Variants in NELL1 observed in about 807,000 individuals in gnomAD.
The protein encoded by NELL1 is protein kinase C-binding protein NELL1.
In NELL1, 76 loss-of-function variants were observed where a neutral mutation model predicts 107.4. That is an observed-to-expected ratio of 0.71 (90% confidence interval 0.59 to 0.86). The LOEUF (loss-of-function observed/expected upper bound fraction) is 0.86, where lower values mean the gene tolerates loss of function less well. NELL1 is among the 40% of genes least tolerant of loss of function. NELL1 has a pLI of 0.00. For synonymous variants in NELL1, 353 were observed against 341.2 expected (o/e 1.03, Z -0.38); for missense variants, 1,024 against 1,005.5 (o/e 1.02, Z -0.25).
chr11:21,283,339 A>G (rs1472941020), intron 14 of NELL1, among the ~76,000 whole-genome samples: 1 of 152,176 alleles, frequency 6.6e-6, no homozygotes, highest in Non-Finnish European at 1.5e-5. Context: ...ATTTTTTAAA[A>G]AATTAAAAAA....
intron 2 of NELL1, among the ~76,000 whole-genome samples, chr11:20,679,632 G>A (rs115858182): frequency 0.016 from 2,498 of 152,174 alleles, 35 homozygotes; most frequent in Admixed American, 0.037. Context: ...GCTATATCTG[G>A]CCAGTCACTG....
intron 14 of NELL1, among the ~76,000 whole-genome samples, chr11:21,244,094 A>T (rs1472493208): frequency 6.6e-6 from 1 of 152,142 alleles, no homozygotes; most frequent in African/African-American, 2.4e-5. Context: ...CTGTCTCTGG[A>T]TGGAACTTCA....
At chr11:21,249,527 C>G (rs540599270) in intron 14 of NELL1, among the ~76,000 whole-genome samples, 5 of 151,242 alleles carry the variant, frequency 3.3e-5, no homozygotes, top group African/African-American at 1.2e-4. Context: ...TTTGAAAGAA[C>G]ATTTTGTCTT....
chr11:21,178,626 G>T (rs1301769839), intron 13 of NELL1, among the ~76,000 whole-genome samples: 1 of 151,262 alleles, frequency 6.6e-6, no homozygotes, highest in Non-Finnish European at 1.5e-5. Context: ...AATTAGCTAG[G>T]TATGACTTCT....
intron 15 of NELL1, among the ~76,000 whole-genome samples, chr11:21,506,403 C>T (rs1290013955): frequency 2.0e-5 from 3 of 152,106 alleles, no homozygotes; most frequent in Admixed American, 6.5e-5. Flanking sequence ...ACTTTATGGC[C>T]TAATTGGTCC....
At chr11:21,357,111 CAT>C (rs1254042953) in intron 14 of NELL1, among the ~76,000 whole-genome samples, 2 of 152,174 alleles carry the variant, frequency 1.3e-5, no homozygotes, top group Non-Finnish European at 2.9e-5. Flanking sequence ...CTGCTCTAAA[CAT>C]GTGTGCGCAG....
chr11:20,863,300 G>T (rs1256654295), intron 4 of NELL1, among the ~76,000 whole-genome samples: 1 of 139,774 alleles, frequency 7.2e-6, no homozygotes, highest in African/African-American at 2.6e-5. Flanking sequence ...CCCGGACGGG[G>T]CAGCTGGCCA....
chr11:20,719,365 A>G (rs1211886448), intron 2 of NELL1, among the ~76,000 whole-genome samples: 1 of 152,156 alleles, frequency 6.6e-6, no homozygotes, highest in African/African-American at 2.4e-5. Flanking sequence ...TCTGCTTCTC[A>G]TATTAAATAT....
chr11:20,750,989 C>G (rs1268475666), intron 2 of NELL1, among the ~76,000 whole-genome samples: 1 of 151,984 alleles, frequency 6.6e-6, no homozygotes, highest in Admixed American at 6.6e-5. Flanking sequence ...AAGACTTTTC[C>G]TATTTCATTG....
chr11:21,139,236 T>C (rs1462656753), intron 13 of NELL1, among the ~76,000 whole-genome samples: 1 of 152,226 alleles, frequency 6.6e-6, no homozygotes. Context: ...TTTGCTGTTT[T>C]CTAAATGTGC....
At chr11:20,969,360 G>A (rs544537731) in intron 12 of NELL1, among the ~76,000 whole-genome samples, 1 of 152,154 alleles carries the variant, frequency 6.6e-6, no homozygotes, top group Non-Finnish European at 1.5e-5. Context: ...CATGGAACAA[G>A]CTTACACACA....
chr11:21,349,705 A>G (rs1229291834), intron 14 of NELL1, among the ~76,000 whole-genome samples: 1 of 151,940 alleles, frequency 6.6e-6, no homozygotes, highest in Non-Finnish European at 1.5e-5. Flanking sequence ...AGAGACCTTT[A>G]TATCTTTGCT....
At chr11:21,572,982 A>G (rs117558235) in intron 18 of NELL1, among the ~76,000 whole-genome samples, 1,894 of 151,976 alleles carry the variant, frequency 0.012, 38 homozygotes, top group East Asian at 0.072. Flanking sequence ...TATGTCCTGC[A>G]GTATAGATGA....
chr11:21,504,482 C>G (rs1855231155), intron 15 of NELL1, among the ~76,000 whole-genome samples: 1 of 152,136 alleles, frequency 6.6e-6, no homozygotes, highest in African/African-American at 2.4e-5. Flanking sequence ...CACAGCTTTT[C>G]CTATGATCTG....
intron 13 of NELL1, among the ~76,000 whole-genome samples, chr11:21,146,077 G>A (rs747044230): frequency 2.6e-5 from 4 of 152,206 alleles, no homozygotes; most frequent in South Asian, 2.1e-4. Flanking sequence ...CATCCTACTC[G>A]TTGGTAAAAT....
At chr11:21,485,631 A>C (rs1039642288) in intron 15 of NELL1, among the ~76,000 whole-genome samples, 2 of 151,884 alleles carry the variant, frequency 1.3e-5, no homozygotes, top group Non-Finnish European at 2.9e-5. Context: ...ATGCCTGCTT[A>C]AGCTGCTCCC....
chr11:21,409,895 G>A (rs72964010), intron 15 of NELL1, among the ~76,000 whole-genome samples: 26,684 of 151,902 alleles, frequency 0.18, 2,911 homozygotes, highest in Admixed American at 0.29. Flanking sequence ...AACAAAAAAT[G>A]AAAGAATGCA....
intron 12 of NELL1, among the ~76,000 whole-genome samples, chr11:21,103,239 G>T (rs1854865005): frequency 6.6e-6 from 1 of 152,118 alleles, no homozygotes; most frequent in Admixed American, 6.6e-5. Context: ...TAAACCTCTG[G>T]CACCAAATCA....
rs572514321 is a variant in NELL1, at chr11:21,521,192, G to A, written c.1646-13182G>A. Among the ~76,000 whole-genome samples the A allele has an allele frequency of 5.3e-5, 8 of 152,300 alleles. No homozygotes were observed. In the East Asian group the frequency reaches 1.5e-3, roughly 29 times the overall value. On this transcript the variant is annotated intron_variant, in intron 15 of 19. Transcript: ENST00000357134. ...TGGTTCCCACAGATTGTAGCCTGTTGTTTAATAATATCATTCAGTCCTAAA... is the reference window on the plus strand; with the variant it reads ...TGGTTCCCACAGATTGTAGCCTGTTATTTAATAATATCATTCAGTCCTAAA...
Sources: allele counts gnomAD v4.1 joint callset (sites outside exome capture counted in the v4.1 genomes callset), GRCh38; gene constraint gnomAD v4.1.1; transcripts MANE v1.5; gene names NCBI Gene and HGNC (gene_info 2026-07-23, HGNC 2026-07-21).